The following JAKMIP1 variants were observed in gnomAD, a reference collection of about 807,000 sequenced individuals.
The protein encoded by JAKMIP1 is janus kinase and microtubule-interacting protein 1.
In JAKMIP1, 33 loss-of-function variants were observed where a neutral mutation model predicts 113.0. The observed-to-expected ratio is 0.29, with a 90% CI of 0.22 to 0.39. The LOEUF is 0.39. JAKMIP1 is among the 10% of genes least tolerant of loss of function. The pLI is 1.00. For synonymous variants in JAKMIP1, 480 were observed against 459.9 expected (o/e 1.04, Z -0.56); for missense variants, 813 against 1,080.5 (o/e 0.75, Z 3.47).
Position 6,080,612 on chromosome 4 carries a change from C to G in JAKMIP1, c.1102-300G>C, listed in dbSNP as rs1035223937. On this transcript the variant is annotated intron_variant, in intron 6 of 20. Coordinates refer to ENST00000409021, the MANE Select transcript of JAKMIP1 (RefSeq NM_001099433.2). This position sits in a 1 kb window ranked among gnomAD's most constrained non-coding sequence, Gnocchi z 6.0. ...CTCTGATGTTTTTATAAGGGTTTTCCCCTTTTACTTGGCTCTCAGTCTGTC... is the reference window on the plus strand; with the variant it reads ...CTCTGATGTTTTTATAAGGGTTTTCGCCTTTTACTTGGCTCTCAGTCTGTC... Among the ~76,000 whole-genome samples, 2 of 152,182 alleles carry G rather than the reference C, an allele frequency of 1.3e-5. No homozygotes were observed. The highest frequency in any genetic ancestry group is 2.4e-5 in the African/African-American group (1 of 41,522).
chr4:6,152,442 T>G (rs1317945000), intron 1 of JAKMIP1, among the ~76,000 whole-genome samples: 2 of 152,130 alleles, frequency 1.3e-5, no homozygotes, highest in African/African-American at 4.8e-5. Flanking sequence ...CTCTGCATCC[T>G]ATGATCAGAG....
intron 20 of JAKMIP1, among the ~76,000 whole-genome samples, chr4:6,028,781 C>T (rs1712197172): frequency 1.3e-5 from 2 of 152,352 alleles, no homozygotes; most frequent in African/African-American, 4.8e-5. Flanking sequence ...GGCCACGGAC[C>T]TCCTGGATGG....
chr4:6,160,718 A>G (rs911028580), intron 1 of JAKMIP1, among the ~76,000 whole-genome samples: 22 of 151,872 alleles, frequency 1.4e-4, no homozygotes, highest in Non-Finnish European at 2.5e-4. Context: ...CTGCCCCTCT[A>G]CAGTCCTTCC....
Position 6,105,941 on chromosome 4 carries a change from C to A in JAKMIP1, c.156G>T (p.Gln52His), listed in dbSNP as rs781386867. 6.2e-7 allele frequency: 1 copy of A among 1,606,558 alleles called. No homozygotes were observed. Among genetic ancestry groups the A allele is most frequent in the South Asian group, 1.1e-5 (1 of 90,642 alleles). ...CCTGCTCGCGCTCCAGCTTCGCCTC[C>A]TGCAGCCGCTCGCGCAGTTTGCCCA... ...SKVGKLRERLQEAKLEREQEQ... is the reference protein window; with the variant it reads ...SKVGKLRERLHEAKLEREQEQ... Residue 52 changes from glutamine (Q) to histidine (H), a missense_variant, in exon 3 of 21, where the codon CAG becomes CAT. This residue lies in a region of JAKMIP1 where 540 missense variants were observed against 653.9 expected (regional missense o/e 0.83). Coordinates refer to ENST00000409021, the MANE Select transcript of JAKMIP1 (RefSeq NM_001099433.2).
At chr4:6,103,852 T>A (rs6446456) in intron 3 of JAKMIP1, among the ~76,000 whole-genome samples, 10 of 152,152 alleles carry the variant, frequency 6.6e-5, no homozygotes, top group Admixed American at 6.5e-4. Context: ...ATTTTTGATA[T>A]TAGTAATTTA....
rs1720571385 is a variant in JAKMIP1, at chr4:6,081,693, C to T, written c.1017G>A (p.Met339Ile). 6.2e-7 allele frequency: 1 copy of T among 1,614,072 alleles called. No individual in the cohort carries two copies. The highest frequency in any genetic ancestry group is 1.3e-5 in the African/African-American group (1 of 74,918). ...GCAACAGATCCTCATTCTTCTTGTT[C>T]ATCCGCTTGTTCTTCTCCACCAGGG... is the stretch of plus-strand genomic sequence containing the variant. Reference protein sequence around the residue: ...LKPLVEKNKRMNKKNEDLLQS... With the variant: ...LKPLVEKNKRINKKNEDLLQS... Residue 339 changes from methionine to isoleucine, a missense_variant, in exon 6 of 21, where the codon ATG becomes ATA. Around this residue, in one of 2 missense-constraint regions of JAKMIP1, gnomAD observed 540 missense variants for 653.9 expected, o/e 0.83. Transcript: ENST00000409021. This position sits in a 1 kb window ranked among gnomAD's most constrained non-coding sequence, Gnocchi z 4.6.
intron 1 of JAKMIP1, among the ~76,000 whole-genome samples, chr4:6,118,412 C>A (rs1168336228): frequency 6.6e-6 from 1 of 152,116 alleles, no homozygotes; most frequent in Admixed American, 6.5e-5. Flanking sequence ...GAGACACAGA[C>A]AAATGACATG....
At position 6,135,718 on chromosome 4, in the gene JAKMIP1, C is replaced by T. The variant is rs1024226590; in HGVS notation, c.-147-22721G>A. ...TGTTACCTATGACAAACCAGAGGCT[C>T]TGAGAGCCACAGCCAGCCTGGACTT... On this transcript the variant is annotated intron_variant, in intron 1 of 20. Transcript: ENST00000409021. This position sits in a 1 kb window ranked among gnomAD's most constrained non-coding sequence, Gnocchi z 4.9. 6.6e-6 allele frequency among the ~76,000 whole-genome samples: 1 copy of T among 152,194 alleles called. No homozygotes were observed. The highest frequency in any genetic ancestry group is 1.5e-5 in the Non-Finnish European group (1 of 68,034).
At position 6,050,105 on chromosome 4, in the gene JAKMIP1, C is replaced by T. The variant is rs1048079502; in HGVS notation, c.1909-233G>A. Among the ~76,000 whole-genome samples the T allele has an allele frequency of 4.6e-5, 7 of 152,206 alleles. No homozygotes were observed. Among genetic ancestry groups the T allele is most frequent in the Admixed American group, 3.3e-4 (5 of 15,286 alleles). On this transcript the variant is annotated intron_variant, in intron 14 of 20. Transcript: ENST00000409021. The surrounding 1 kb of genome is among the most constrained non-coding windows in gnomAD (Gnocchi z 7.4). Reference sequence around the variant, plus strand: ...CTGCTTTCTAGAAAGGCCATGGAAGCGGGTGAGTCAGGACGCTGTCCCTGG... The same window carrying T: ...CTGCTTTCTAGAAAGGCCATGGAAGTGGGTGAGTCAGGACGCTGTCCCTGG...
intron 1 of JAKMIP1, among the ~76,000 whole-genome samples, chr4:6,119,185 C>T (rs1716323894): frequency 6.6e-6 from 1 of 152,104 alleles, no homozygotes; most frequent in Admixed American, 6.5e-5. Context: ...TTCTGTTTAC[C>T]ACCCAGTTTG....
At chr4:6,101,918 A>G (rs910686911) in intron 3 of JAKMIP1, among the ~76,000 whole-genome samples, 1 of 151,690 alleles carries the variant, frequency 6.6e-6, no homozygotes, top group Non-Finnish European at 1.5e-5. Context: ...AAAAAAAAAA[A>G]AAAGAGTCTG....
chr4:6,098,766 GA>G (rs1314910491), intron 3 of JAKMIP1, among the ~76,000 whole-genome samples: 2 of 150,020 alleles, frequency 1.3e-5, no homozygotes, highest in East Asian at 3.9e-4. Flanking sequence ...GAAAGAGAAA[GA>G]AAAGAAAGAA....
At chr4:6,171,230 C>CACCACCACCACCATTA (rs1560319056) in intron 1 of JAKMIP1, among the ~76,000 whole-genome samples, 11 of 149,674 alleles carry the variant, frequency 7.3e-5, no homozygotes, top group Middle Eastern at 7.1e-3. Context: ...CACCACCATT[C>CACCACCACCACCATTA]CCACTGCCAT....
intron 1 of JAKMIP1, among the ~76,000 whole-genome samples, chr4:6,161,891 A>T (rs369596456): frequency 1.3e-5 from 2 of 152,150 alleles, no homozygotes; most frequent in South Asian, 2.1e-4. Flanking sequence ...GATGAAAAAC[A>T]AGATATGTTT....
intron 1 of JAKMIP1, among the ~76,000 whole-genome samples, chr4:6,132,768 C>G (rs1370082059): frequency 6.6e-6 from 1 of 152,000 alleles, no homozygotes; most frequent in Non-Finnish European, 1.5e-5. Context: ...TATCAATAAT[C>G]ACTTTAAATG....
chr4:6,032,141 T>C (rs1191263046), intron 19 of JAKMIP1, among the ~76,000 whole-genome samples: 4 of 152,166 alleles, frequency 2.6e-5, no homozygotes, highest in African/African-American at 9.7e-5. Flanking sequence ...TCTGGACCCC[T>C]CTGCTGTAAT....
chr4:6,112,564 C>G (rs923043443), intron 2 of JAKMIP1, among the ~76,000 whole-genome samples, 158 bp downstream of exon 2: 2 of 152,232 alleles, frequency 1.3e-5, no homozygotes, highest in Admixed American at 1.3e-4. Context: ...GCCCAGCAGT[C>G]TCTGTACTGC....
rs1226172648 is a variant in JAKMIP1, at chr4:6,153,502, CT to C, written c.-147-40506del. The stretch of plus-strand genomic sequence containing the variant: ...CAGTCATCAGTTGCCGCCGCTGTGA[CT>C]TCTGCATAAAATGCATGGTTCTTCT... On this transcript the variant is annotated intron_variant, in intron 1 of 20. Coordinates refer to ENST00000409021, the MANE Select transcript of JAKMIP1 (RefSeq NM_001099433.2). The surrounding 1 kb of genome is among the most constrained non-coding windows in gnomAD (Gnocchi z 4.9). 6.6e-6 allele frequency among the ~76,000 whole-genome samples: 1 copy of C among 152,252 alleles called. No homozygotes were observed. Among genetic ancestry groups the C allele is most frequent in the African/African-American group, 2.4e-5 (1 of 41,456 alleles).
intron 1 of JAKMIP1, among the ~76,000 whole-genome samples, chr4:6,195,207 C>T (rs1409912423): frequency 6.6e-6 from 1 of 152,202 alleles, no homozygotes; most frequent in Non-Finnish European, 1.5e-5. Context: ...GCCTTCTCTG[C>T]TAAATTGTGA....
Sources: allele counts gnomAD v4.1 joint callset (sites outside exome capture counted in the v4.1 genomes callset), GRCh38; gene constraint gnomAD v4.1.1; regional missense constraint gnomAD v4.1.1; non-coding constraint Gnocchi (gnomAD v3.1); transcripts MANE v1.5; gene names NCBI Gene and HGNC (gene_info 2026-07-23, HGNC 2026-07-21).